The following GUCY1A2 variants were observed in gnomAD, a reference collection of about 807,000 sequenced individuals.
GUCY1A2 encodes guanylate cyclase soluble subunit alpha-2.
GUCY1A2 carries 27 observed loss-of-function variants against 63.5 expected under a neutral mutation model. The ratio of observed to expected loss-of-function variants is 0.43; its 90% CI spans 0.31 to 0.59. The LOEUF is 0.59. GUCY1A2 is among the 20% of genes least tolerant of loss of function. The pLI is 0.11. For synonymous variants in GUCY1A2, 364 were observed against 343.5 expected (o/e 1.06, Z -0.66); for missense variants, 768 against 913.3 (o/e 0.84, Z 2.05).
chr11:106,812,521 A>G lies in GUCY1A2; in HGVS notation c.1207-2043T>C, dbSNP rs556426586. Among the ~76,000 whole-genome samples the G allele has an allele frequency of 2.0e-5, 3 of 151,364 alleles. No homozygotes were observed. In the East Asian group the frequency reaches 5.8e-4, roughly 29 times the overall value. On this transcript the variant is annotated intron_variant, in intron 4 of 7. Transcript: ENST00000526355. ...TTTTCTTTCTCTTTTCTTCCTAGGT[A>G]TCAACTTTAACATTTACCATCACAA...
chr11:107,016,639 C>T (rs2462424), intron 1 of GUCY1A2, among the ~76,000 whole-genome samples: 127,049 of 152,168 alleles, frequency 0.83, 53,377 homozygotes, highest in African/African-American at 0.93. Flanking sequence ...AAAGAAGCCA[C>T]CAAAAAATGA....
At chr11:106,970,033 T>G (rs142528537) in intron 3 of GUCY1A2, among the ~76,000 whole-genome samples, 3 of 152,148 alleles carry the variant, frequency 2.0e-5, no homozygotes, top group Admixed American at 1.3e-4. Context: ...TCTAAGAAAT[T>G]TGAGAATTTT....
Position 107,018,184 on chromosome 11 carries a change from C to A in GUCY1A2, c.-129G>T, listed in dbSNP as rs1179027985. The A allele has an allele frequency of 1.1e-5, 4 of 375,492 alleles. No homozygotes were observed. Among genetic ancestry groups the A allele is most frequent in the African/African-American group, 8.8e-5 (4 of 45,602 alleles). 23.3% of individuals were successfully genotyped at this position (375,492 alleles called of 1,614,324 possible). A position where few individuals can be genotyped will look rare whatever the true frequency, so the allele number is the denominator to read the frequency against. ...GGGCCGCGGGGCGCTGCGGTCGCGC[C>A]CGGCGGGGCGGGAGTCCCCGGGGCC... On this transcript the variant is annotated 5_prime_UTR_variant, in exon 1 of 8. Transcript: ENST00000526355.
At chr11:106,838,197 T>G (rs78639287) in intron 4 of GUCY1A2, among the ~76,000 whole-genome samples, 4,271 of 152,038 alleles carry the variant, frequency 0.028, 194 homozygotes, top group African/African-American at 0.096. Context: ...AAGACTTTCT[T>G]TTGGTGCTTA....
intron 3 of GUCY1A2, among the ~76,000 whole-genome samples, chr11:106,946,857 C>A (rs529059307): frequency 6.6e-6 from 1 of 152,118 alleles, no homozygotes; most frequent in East Asian, 1.9e-4. Flanking sequence ...AGGTAAATTG[C>A]ATGGTATGTA....
intron 6 of GUCY1A2, among the ~76,000 whole-genome samples, chr11:106,765,316 T>C (rs1407847125): frequency 3.3e-5 from 5 of 152,084 alleles, no homozygotes; most frequent in Non-Finnish European, 7.4e-5. Flanking sequence ...CTACAAAGAA[T>C]TATATTCCTA....
At chr11:106,709,556 A>AAT (rs371815487) in intron 6 of GUCY1A2, among the ~76,000 whole-genome samples, 45,253 of 76,152 alleles carry the variant, frequency 0.59, 15,342 homozygotes, top group African/African-American at 0.78. Context: ...TTATTATATA[A>AAT]ATATGTTATA....
chr11:106,877,448 C>A (rs999439817), intron 4 of GUCY1A2, among the ~76,000 whole-genome samples: 1 of 152,002 alleles, frequency 6.6e-6, no homozygotes, highest in African/African-American at 2.4e-5. Context: ...AAAACAGACA[C>A]GTAGACCAAC....
intron 4 of GUCY1A2, among the ~76,000 whole-genome samples, chr11:106,830,554 G>T (rs1344138230): frequency 1.3e-5 from 2 of 152,326 alleles, no homozygotes; most frequent in Non-Finnish European, 2.9e-5. Flanking sequence ...GCAGAAGAAA[G>T]TTGAAATATT....
intron 5 of GUCY1A2, among the ~76,000 whole-genome samples, chr11:106,797,191 G>T (rs1311320291): frequency 1.3e-5 from 2 of 151,942 alleles, no homozygotes; most frequent in Non-Finnish European, 2.9e-5. Flanking sequence ...CTTTTTTCAA[G>T]GTTTTAACTT....
intron 5 of GUCY1A2, among the ~76,000 whole-genome samples, chr11:106,795,805 T>A (rs1461303266): frequency 6.6e-6 from 1 of 152,160 alleles, no homozygotes; most frequent in South Asian, 2.1e-4. Flanking sequence ...GGCAGCAGCA[T>A]TGATTTGCAG....
At chr11:106,796,147 T>C (rs1199599160) in intron 5 of GUCY1A2, among the ~76,000 whole-genome samples, 2 of 152,202 alleles carry the variant, frequency 1.3e-5, no homozygotes, top group Non-Finnish European at 2.9e-5. Flanking sequence ...CTTTTTTGTT[T>C]TCCATTTGCT....
At position 106,946,223 on chromosome 11, in the gene GUCY1A2, A is replaced by G. The variant is rs902801573; in HGVS notation, c.488-6045T>C. Among the ~76,000 whole-genome samples, 10 of 152,144 alleles carry G rather than the reference A, an allele frequency of 6.6e-5. No homozygotes were observed. In the East Asian group the frequency reaches 1.9e-3, roughly 29 times the overall value. On this transcript the variant is annotated intron_variant, in intron 3 of 7. Transcript: ENST00000526355. ...TTGATATTTTGTTTTAAAATAATAAAAAACCCATGGGTCTAATTCTACTAA... is the reference window on the plus strand; with the variant it reads ...TTGATATTTTGTTTTAAAATAATAAGAAACCCATGGGTCTAATTCTACTAA...
chr11:107,002,429 CATAAATAT>C (rs1425868771), intron 1 of GUCY1A2, among the ~76,000 whole-genome samples: 1 of 150,280 alleles, frequency 6.7e-6, no homozygotes, highest in Non-Finnish European at 1.5e-5. Context: ...ACACAACTCG[CATAAATAT>C]ATAAACTTTT....
At chr11:106,765,037 G>A (rs1864138721) in intron 6 of GUCY1A2, among the ~76,000 whole-genome samples, 1 of 151,252 alleles carries the variant, frequency 6.6e-6, no homozygotes, top group South Asian at 2.1e-4. Context: ...CATCTGGAAA[G>A]TGTCCAGTAT....
intron 4 of GUCY1A2, among the ~76,000 whole-genome samples, chr11:106,873,551 G>A (rs915795876): frequency 1.3e-5 from 2 of 152,022 alleles, no homozygotes; most frequent in African/African-American, 4.8e-5. Flanking sequence ...ATGTTTCTTG[G>A]CCACGTACAT....
intron 4 of GUCY1A2, among the ~76,000 whole-genome samples, chr11:106,836,173 C>T (rs940174916): frequency 2.0e-5 from 3 of 151,832 alleles, no homozygotes; most frequent in Non-Finnish European, 4.4e-5. Context: ...GCGCTGGTCC[C>T]CCATGCAGTT....
At chr11:106,729,262 G>A (rs756672161) in intron 6 of GUCY1A2, among the ~76,000 whole-genome samples, 9 of 152,150 alleles carry the variant, frequency 5.9e-5, no homozygotes, top group Admixed American at 4.6e-4. Context: ...GGTGGGGACT[G>A]CTGTCTTACT....
chr11:106,805,248 A>ATT lies in GUCY1A2; in HGVS notation c.1692+4743_1692+4744dup, dbSNP rs11424210. Among the ~76,000 whole-genome samples, 88 of 143,112 alleles carry ATT rather than the reference A, an allele frequency of 6.1e-4. 1 individual carries two copies. Among genetic ancestry groups the ATT allele is most frequent in the African/African-American group, 1.6e-3 (64 of 39,208 alleles). The allele number at this position is 143,112 out of a possible 152,430, so 93.9% of individuals were successfully genotyped here. A position where few individuals can be genotyped will look rare whatever the true frequency, so the allele number is the denominator to read the frequency against. On this transcript the variant is annotated intron_variant, in intron 5 of 7. Transcript: ENST00000526355. ...CAGAGAAAACTATTTTATCACTAAC[A>ATT]TTTTTTTTTTTTTTTGAGACGTAGT... is the stretch of plus-strand genomic sequence containing the variant.
Sources: allele counts gnomAD v4.1 joint callset (sites outside exome capture counted in the v4.1 genomes callset), GRCh38; gene constraint gnomAD v4.1.1; transcripts MANE v1.5; gene names NCBI Gene and HGNC (gene_info 2026-07-23, HGNC 2026-07-21).